The following KIF16B variants were observed in gnomAD, a reference collection of about 807,000 sequenced individuals.
KIF16B encodes kinesin-like protein KIF16B.
KIF16B carries 98 observed loss-of-function variants against 156.3 expected under a neutral mutation model. That is an observed-to-expected ratio of 0.63 (90% confidence interval 0.53 to 0.74). KIF16B has a LOEUF of 0.74. Among genes scored for constraint, KIF16B ranks in the 30% least tolerant of loss-of-function variants. The pLI, the probability that KIF16B is intolerant of heterozygous loss-of-function variation, is 0.00. For synonymous variants in KIF16B, 564 were observed against 583.7 expected (o/e 0.97, Z 0.49); for missense variants, 1,421 against 1,606.5 (o/e 0.88, Z 1.97).
intron 5 of KIF16B, among the ~76,000 whole-genome samples, chr20:16,511,736 A>T (rs1193954144): frequency 6.6e-6 from 1 of 152,204 alleles, no homozygotes; most frequent in Non-Finnish European, 1.5e-5. Flanking sequence ...AAGGACATAC[A>T]GTGGGTCCTC....
intron 1 of KIF16B, among the ~76,000 whole-genome samples, chr20:16,531,448 G>A (rs187216801): frequency 3.9e-5 from 6 of 152,260 alleles, no homozygotes; most frequent in Admixed American, 1.3e-4. Flanking sequence ...AGGGACCACC[G>A]ATGGTTACCA....
At chr20:16,497,573 A>T (rs1363868247) in intron 11 of KIF16B, 40 bp downstream of exon 11, 1 of 1,493,718 alleles carries the variant, frequency 6.7e-7, no homozygotes, top group Non-Finnish European at 9.3e-7. Flanking sequence ...AATAATAGTA[A>T]AAGTTATGAT....
chr20:16,357,200 C>T (rs1462500658), intron 22 of KIF16B, among the ~76,000 whole-genome samples: 2 of 152,116 alleles, frequency 1.3e-5, no homozygotes, highest in East Asian at 3.8e-4. Context: ...GAAGTAATAG[C>T]AATAACAAAA....
At chr20:16,438,780 T>C (rs758661400) in intron 12 of KIF16B, among the ~76,000 whole-genome samples, 2 of 152,170 alleles carry the variant, frequency 1.3e-5, no homozygotes, top group Non-Finnish European at 2.9e-5. Context: ...TTTTTTATTT[T>C]TGCTCTGTTC....
chr20:16,440,719 T>C (rs144861654), intron 12 of KIF16B, among the ~76,000 whole-genome samples: 3 of 152,140 alleles, frequency 2.0e-5, no homozygotes, highest in African/African-American at 7.2e-5. Flanking sequence ...AGTCAGCCCC[T>C]AAACAGTAAA....
intron 2 of KIF16B, among the ~76,000 whole-genome samples, chr20:16,526,892 A>G (rs1482439385): frequency 6.6e-6 from 1 of 152,230 alleles, no homozygotes; most frequent in Non-Finnish European, 1.5e-5. Flanking sequence ...TTATAAAAAA[A>G]TTGTTATGAT....
At chr20:16,439,004 G>C (rs1568983752) in intron 12 of KIF16B, among the ~76,000 whole-genome samples, 2 of 152,154 alleles carry the variant, frequency 1.3e-5, no homozygotes, top group African/African-American at 4.8e-5. Context: ...TTAACAAATG[G>C]AAATCCACTG....
At chr20:16,411,959 T>C (rs2065968816) in intron 15 of KIF16B, among the ~76,000 whole-genome samples, 1 of 151,422 alleles carries the variant, frequency 6.6e-6, no homozygotes, top group Non-Finnish European at 1.5e-5. Context: ...TGTGTGTGTG[T>C]GTGTGTGTGT....
At chr20:16,286,983 C>T (rs1014108517) in intron 25 of KIF16B, among the ~76,000 whole-genome samples, 6 of 152,198 alleles carry the variant, frequency 3.9e-5, no homozygotes, top group African/African-American at 1.2e-4. Flanking sequence ...CCATAAGTGG[C>T]GTGTCTTGAT....
chr20:16,390,998 G>A (rs2065350398), intron 17 of KIF16B, among the ~76,000 whole-genome samples: 1 of 152,170 alleles, frequency 6.6e-6, no homozygotes, highest in African/African-American at 2.4e-5. Context: ...CGGGGTGGAG[G>A]GACAGCATTT....
intron 3 of KIF16B, among the ~76,000 whole-genome samples, chr20:16,523,474 C>G (rs2069422604): frequency 6.6e-6 from 1 of 152,122 alleles, no homozygotes; most frequent in South Asian, 2.1e-4. Context: ...ATACAACTTA[C>G]AAGGGATGTG....
intron 24 of KIF16B, among the ~76,000 whole-genome samples, chr20:16,314,661 A>C (rs2063669988): frequency 6.6e-6 from 1 of 152,194 alleles, no homozygotes; most frequent in South Asian, 2.1e-4. Flanking sequence ...ATGAAACCAA[A>C]CTTTAAAAGG....
intron 21 of KIF16B, 58 bp from the exon 22 acceptor site, chr20:16,370,694 G>A: frequency 8.0e-7 from 1 of 1,257,634 alleles, no homozygotes; most frequent in African/African-American, 1.5e-5. Context: ...CGGGGCGGGG[G>A]ACTGATTCGA....
At chr20:16,454,542 T>C (rs533531240) in intron 12 of KIF16B, among the ~76,000 whole-genome samples, 5 of 152,090 alleles carry the variant, frequency 3.3e-5, no homozygotes, top group Non-Finnish European at 5.9e-5. Context: ...CTTAATTACA[T>C]TTATTACTTA....
intron 17 of KIF16B, 38 bp from the exon 18 acceptor site, chr20:16,381,785 G>A (rs201061650): frequency 3.2e-6 from 5 of 1,538,908 alleles, no homozygotes. Flanking sequence ...CTTTTCTAAA[G>A]AGCTTTTCTA....
intron 3 of KIF16B, among the ~76,000 whole-genome samples, chr20:16,525,059 G>A (rs922984975): frequency 6.6e-6 from 1 of 152,158 alleles, no homozygotes; most frequent in East Asian, 1.9e-4. Flanking sequence ...ATAGCATTAG[G>A]AGAAATACCT....
chr20:16,416,681 A>T (rs1600340250), intron 15 of KIF16B, among the ~76,000 whole-genome samples: 1 of 151,868 alleles, frequency 6.6e-6, no homozygotes, highest in African/African-American at 2.4e-5. Context: ...ACACGTTTAC[A>T]TATGTAACAA....
At chr20:16,303,686 G>A (rs2063503395) in intron 25 of KIF16B, among the ~76,000 whole-genome samples, 1 of 152,168 alleles carries the variant, frequency 6.6e-6, no homozygotes, top group Non-Finnish European at 1.5e-5. Context: ...GAAGCATCTG[G>A]AATCCTGTCT....
At chr20:16,381,262 TACAAATGGCCAA>T (rs141558276) in intron 18 of KIF16B, among the ~76,000 whole-genome samples, 1,809 of 151,942 alleles carry the variant, frequency 0.012, 28 homozygotes, top group African/African-American at 0.039. Context: ...CATGGGGAAA[TACAAATGGCCAA>T]ACAATATCAG....
Sources: allele counts gnomAD v4.1 joint callset (sites outside exome capture counted in the v4.1 genomes callset), GRCh38; gene constraint gnomAD v4.1.1; transcripts MANE v1.5; gene names NCBI Gene and HGNC (gene_info 2026-07-23, HGNC 2026-07-21).